Variants in PCGF3 observed in about 807,000 individuals in gnomAD.
PCGF3 encodes polycomb group RING finger protein 3.
Under a neutral mutation model 33.1 loss-of-function variants are expected in PCGF3, and 7 were observed. The observed-to-expected ratio is 0.21, with a 90% CI of 0.12 to 0.40. The LOEUF (loss-of-function observed/expected upper bound fraction) is 0.40. Among genes scored for constraint, PCGF3 ranks in the 10% least tolerant of loss-of-function variants. The pLI is 1.00. For synonymous variants in PCGF3, 153 were observed against 121.3 expected, an observed-to-expected ratio of 1.26 and a Z score of -1.72; for missense variants, 211 against 313.3, an observed-to-expected ratio of 0.67 and a Z score of 2.46.
chr4:744,525 G>C (rs1744229723), intron 7 of PCGF3, 75 bp from the exon 8 acceptor site: 1 of 1,089,860 alleles, frequency 9.2e-7, no homozygotes, highest in East Asian at 2.6e-5. Flanking sequence ...GACGGCATTT[G>C]GAGTACAGTG....
At chr4:707,550 TG>T (rs1369328026) in intron 1 of PCGF3, among the ~76,000 whole-genome samples, 1 of 110,774 alleles carries the variant, frequency 9.0e-6, no homozygotes, top group Non-Finnish European at 2.0e-5. Context: ...TGTTTTCCCC[TG>T]GGGGTCGGGA....
intron 9 of PCGF3, among the ~76,000 whole-genome samples, chr4:764,066 A>G (rs1045025757): frequency 1.3e-5 from 2 of 152,088 alleles, no homozygotes; most frequent in African/African-American, 2.4e-5. Flanking sequence ...GGGCGGGCAC[A>G]GGGCTCCTGG....
intron 8 of PCGF3, among the ~76,000 whole-genome samples, chr4:753,409 T>C (rs1744614487): frequency 6.7e-6 from 1 of 149,720 alleles, no homozygotes; most frequent in Non-Finnish European, 1.5e-5. Context: ...AATCCCAGCA[T>C]ATTGGGAGGC....
rs1472925240 is a variant in PCGF3, at chr4:736,612, A to G, written c.207-854A>G. On this transcript the variant is annotated intron_variant, in intron 5 of 10. Coordinates refer to ENST00000362003, the Ensembl canonical transcript of PCGF3. ...CAGGGAACCTGGGGTGTCCGCAGGGACGGTGTCCCCTGAGCACACAGGATG... is the reference window on the plus strand; with the variant it reads ...CAGGGAACCTGGGGTGTCCGCAGGGGCGGTGTCCCCTGAGCACACAGGATG... Among the ~76,000 whole-genome samples, 172 of 111,102 alleles carry G rather than the reference A, an allele frequency of 1.5e-3. 10 individuals are homozygous for G. The highest frequency in any genetic ancestry group is 3.7e-3 in the African/African-American group (100 of 27,216). The allele number at this position is 111,102 out of a possible 152,430, so 72.9% of individuals were successfully genotyped here.
At chr4:724,099 C>T (rs1743228511) in intron 1 of PCGF3, 1 of 152,358 alleles carries the variant, frequency 6.6e-6, no homozygotes, top group Admixed American at 6.5e-5. Flanking sequence ...CTTCAGGGCC[C>T]AATGGCAGAG....
chr4:710,639 C>T (rs1165584522), intron 1 of PCGF3, among the ~76,000 whole-genome samples: 3 of 152,080 alleles, frequency 2.0e-5, no homozygotes, highest in Admixed American at 6.6e-5. Flanking sequence ...CCGATGTCAC[C>T]GTCATGATTG....
At chr4:744,455 C>T (rs115663287) in intron 7 of PCGF3, 145 bp from the exon 8 acceptor site, 8,142 of 650,926 alleles carry the variant, frequency 0.013, 72 homozygotes, top group Non-Finnish European at 0.017. Flanking sequence ...TTGCGGACGG[C>T]TTTCCTTTGA....
rs1577401359 is a variant in PCGF3 at position 721,578 on chromosome 4, C to G, written c.-189-9052C>G. 4.6e-5 allele frequency among the ~76,000 whole-genome samples: 7 copies of G among 152,170 alleles called. No homozygotes were observed. In the East Asian group the frequency reaches 1.2e-3, roughly 25 times the overall value. On this transcript the variant is annotated intron_variant, in intron 1 of 10. Coordinates refer to ENST00000362003, the Ensembl canonical transcript of PCGF3. This position sits in a 1 kb window ranked among gnomAD's most constrained non-coding sequence, Gnocchi z 4.1. ...CAGAGTGCACTCGCTGGGGGTCACC[C>G]TGCCCCCCAGGACTCCTTTCACAGG...
In PCGF3 at chr4:764,742, GC is replaced by G. The variant is rs1745266997; in HGVS notation, c.601-239del. On this transcript the variant is annotated intron_variant, in intron 9 of 10. Transcript: ENST00000362003. Reference sequence around the variant, plus strand: ...TCATCCCCCTAACTGGCACGGGCCTGCCCTGTAATATCTTATATGTTGCACT... The same window carrying G: ...TCATCCCCCTAACTGGCACGGGCCTGCCTGTAATATCTTATATGTTGCACT... 62 of 457,684 alleles carry G rather than the reference GC, an allele frequency of 1.4e-4. 2 individuals are homozygous for G. The South Asian group carries it at 1.7e-3, about 12-fold the overall frequency. 28.4% of individuals were successfully genotyped at this position (457,684 alleles called of 1,614,324 possible).
intron 6 of PCGF3, among the ~76,000 whole-genome samples, chr4:741,748 G>A (rs905088496): frequency 2.6e-5 from 4 of 152,144 alleles, no homozygotes; most frequent in South Asian, 4.1e-4. Flanking sequence ...GACACTGAGT[G>A]CTGCTATTTT....
intron 1 of PCGF3, among the ~76,000 whole-genome samples, chr4:717,685 C>G (rs1031146782): frequency 3.3e-5 from 5 of 152,196 alleles, no homozygotes. Flanking sequence ...GCTGTGTGTG[C>G]TTACTTTCAA....
chr4:737,660 C>A, intron 6 of PCGF3, 139 bp downstream of exon 6: 1 of 643,216 alleles, frequency 1.6e-6, no homozygotes, highest in Non-Finnish European at 2.8e-6. Context: ...CTGCTCTCAG[C>A]CCAACTTCAT....
chr4:765,849 C>A (rs988542377), intron 10 of PCGF3, among the ~76,000 whole-genome samples, 183 bp from the exon 11 acceptor site: 3 of 152,144 alleles, frequency 2.0e-5, no homozygotes, highest in African/African-American at 4.8e-5. Flanking sequence ...GTCTTCCTAG[C>A]CCGTCTTCCC....
intron 9 of PCGF3, chr4:761,653 C>T: frequency 4.1e-6 from 4 of 984,544 alleles, no homozygotes; most frequent in South Asian, 9.4e-5. Flanking sequence ...AGAACTAGGG[C>T]GGGGATGATG....
chr4:735,087 G>A, intron 5 of PCGF3, 60 bp downstream of exon 5: 13 of 1,553,348 alleles, frequency 8.4e-6, no homozygotes, highest in Middle Eastern at 2.3e-4. Flanking sequence ...GCGTCTCTGT[G>A]TGTGGGCCTT....
At chr4:748,953 T>A (rs1264534785) in intron 8 of PCGF3, among the ~76,000 whole-genome samples, 3 of 152,202 alleles carry the variant, frequency 2.0e-5, no homozygotes. Flanking sequence ...TGCAGGCTGC[T>A]GCTCCCCTTT....
At chr4:742,923 G>T (rs1281448378) in intron 6 of PCGF3, among the ~76,000 whole-genome samples, 1 of 152,220 alleles carries the variant, frequency 6.6e-6, no homozygotes, top group Non-Finnish European at 1.5e-5. Context: ...GGGCTCTCGG[G>T]CCCTCGAGGG....
chr4:707,618 C>T (rs977422667), intron 1 of PCGF3, among the ~76,000 whole-genome samples: 1 of 116,360 alleles, frequency 8.6e-6, no homozygotes, highest in African/African-American at 3.0e-5. Flanking sequence ...GCTCTGTTTT[C>T]CCCTGGGGGT....
intron 8 of PCGF3, among the ~76,000 whole-genome samples, chr4:756,032 C>G (rs1333689383): frequency 1.3e-5 from 2 of 149,076 alleles, no homozygotes; most frequent in East Asian, 2.0e-4. Context: ...TCTGTCTCAG[C>G]CTTACAGAGT....
Sources: allele counts gnomAD v4.1 joint callset (sites outside exome capture counted in the v4.1 genomes callset), GRCh38; gene constraint gnomAD v4.1.1; non-coding constraint Gnocchi (gnomAD v3.1); transcripts MANE v1.5; gene names NCBI Gene and HGNC (gene_info 2026-07-23, HGNC 2026-07-21).